COL15A1: variants seen among roughly 807,000 people sequenced by gnomAD.
COL15A1 encodes collagen type XV alpha 1 chain.
A neutral mutation model predicts 165.9 loss-of-function variants in COL15A1; 111 were observed. The ratio of observed to expected loss-of-function variants is 0.67; its 90% CI spans 0.57 to 0.78. The LOEUF is 0.78. Among genes scored for constraint, COL15A1 ranks in the 30% least tolerant of loss-of-function variants. The pLI, the probability that COL15A1 is intolerant of heterozygous loss-of-function variation, is 0.00. For missense variants in COL15A1, 1,745 were observed against 1,789.7 expected (o/e 0.98, Z 0.45); for synonymous variants, 659 against 674.8 (o/e 0.98, Z 0.36).
chr9:98,990,848 A>G (rs1304792213), intron 5 of COL15A1, among the ~76,000 whole-genome samples: 2 of 152,224 alleles, frequency 1.3e-5, no homozygotes, highest in Admixed American at 6.5e-5. Context: ...GACTTCAAGA[A>G]TGAAACCACG....
At chr9:98,957,375 C>T (rs1205705928) in intron 2 of COL15A1, among the ~76,000 whole-genome samples, 2 of 152,232 alleles carry the variant, frequency 1.3e-5, no homozygotes, top group African/African-American at 4.8e-5. Flanking sequence ...TAATTTTTAT[C>T]TCAGTAAGAC....
chr9:99,046,507 A>C lies in COL15A1; in HGVS notation c.2680-1279A>C, dbSNP rs184637493. Among the ~76,000 whole-genome samples the C allele has an allele frequency of 1.2e-3, 186 of 152,344 alleles. No individual in the cohort carries two copies. The South Asian group carries it at 0.013, about 11-fold the overall frequency. ...CAAGACTAGATAATTTACAAAGAAA[A>C]GAGGTTTAATTGACTCCTAGTTCCG... On this transcript the variant is annotated intron_variant, in intron 26 of 41. Coordinates refer to ENST00000375001, the MANE Select transcript of COL15A1 (RefSeq NM_001855.5).
intron 9 of COL15A1, among the ~76,000 whole-genome samples, chr9:99,012,067 A>G (rs1264014571): frequency 6.6e-6 from 1 of 152,240 alleles, no homozygotes; most frequent in African/African-American, 2.4e-5. Flanking sequence ...ACCTTATAGT[A>G]TTTGGCAGGG....
In COL15A1 at chr9:98,945,364, G is replaced by A. The variant is rs553309369; in HGVS notation, c.100+1114G>A. On this transcript the variant is annotated intron_variant, in intron 2 of 41. Coordinates refer to ENST00000375001, the MANE Select transcript of COL15A1 (RefSeq NM_001855.5). ...GTCCAAAAGCCAGGACTTGAATCCA[G>A]GTCTGTAGGCTCTTGCCCTTGCTCA... Among the ~76,000 whole-genome samples, 114 of 152,308 alleles carry A rather than the reference G, an allele frequency of 7.5e-4. 1 individual carries two copies. The highest frequency in any genetic ancestry group is 7.5e-3 in the Admixed American group (114 of 15,298).
At chr9:98,974,024 CT>C (rs1441372469) in intron 2 of COL15A1, among the ~76,000 whole-genome samples, 4 of 152,334 alleles carry the variant, frequency 2.6e-5, no homozygotes, top group Admixed American at 2.6e-4. Context: ...GGCTGAGGCC[CT>C]TTCCACCACC....
At chr9:98,979,276 ATAAATGTTAT>A (rs1838192265) in intron 2 of COL15A1, among the ~76,000 whole-genome samples, 1 of 152,248 alleles carries the variant, frequency 6.6e-6, no homozygotes, top group Non-Finnish European at 1.5e-5. Context: ...TGCCATTTTG[ATAAATGTTAT>A]TAAATTGCCT....
At chr9:99,052,307 C>A in intron 30 of COL15A1, 81 bp from the exon 31 acceptor site, 1 of 1,022,964 alleles carries the variant, frequency 9.8e-7, no homozygotes, top group Non-Finnish European at 1.6e-6. Context: ...TTGTCACATG[C>A]CCCCGGGACA....
At chr9:98,955,880 G>C (rs1260328561) in intron 2 of COL15A1, among the ~76,000 whole-genome samples, 1 of 152,224 alleles carries the variant, frequency 6.6e-6, no homozygotes, top group Non-Finnish European at 1.5e-5. Context: ...GTTCTGACTT[G>C]ATTGTCTAGC....
intron 35 of COL15A1, among the ~76,000 whole-genome samples, chr9:99,058,242 T>A (rs936850888): frequency 2.0e-5 from 3 of 152,174 alleles, no homozygotes; most frequent in African/African-American, 7.2e-5. Flanking sequence ...GATGGGGAAG[T>A]CCTAGAGAAG....
At chr9:98,998,235 TTTA>T in intron 6 of COL15A1, among the ~76,000 whole-genome samples, 1 of 152,380 alleles carries the variant, frequency 6.6e-6, no homozygotes, top group Non-Finnish European at 1.5e-5. Context: ...TTTTACTTTT[TTTA>T]TTGTACTTCC....
rs552204753 is a variant in COL15A1, at chr9:99,062,285, C to G, written c.3572C>G (p.Pro1191Arg). 6.2e-7 allele frequency: 1 copy of G among 1,613,396 alleles called. No individual in the cohort carries two copies. Among genetic ancestry groups the G allele is most frequent in the Non-Finnish European group, 8.5e-7 (1 of 1,179,308 alleles). ...CCCATTCCTGCCGACAGCCCTCCAC[C>G]CCCTGCGCTTTCCAGCAACGTGAGT... ...LIPIPADSPP[P>R]PALSSNPHQL... is the part of the protein sequence containing the mutation. The change falls in exon 38 of 42, where the codon CCC (proline) becomes CGC (arginine). Residue 1191 changes from proline to arginine, a missense_variant. Physicochemically the swap from Pro to Arg is moderately radical, Grantham distance 103. Coordinates refer to ENST00000375001, the MANE Select transcript of COL15A1 (RefSeq NM_001855.5).
At chr9:99,003,909 G>T (rs1030289643) in intron 8 of COL15A1, among the ~76,000 whole-genome samples, 4 of 152,098 alleles carry the variant, frequency 2.6e-5, no homozygotes, top group Admixed American at 1.3e-4. Flanking sequence ...TGAAAAAGGG[G>T]CCCAGAGCCC....
At chr9:98,946,015 G>A (rs1837578361) in intron 2 of COL15A1, among the ~76,000 whole-genome samples, 1 of 152,202 alleles carries the variant, frequency 6.6e-6, no homozygotes, top group South Asian at 2.1e-4. Context: ...TCTAAGGAGG[G>A]CCATTTGCAA....
At chr9:98,986,800 A>G (rs919013389) in intron 3 of COL15A1, among the ~76,000 whole-genome samples, 4 of 152,222 alleles carry the variant, frequency 2.6e-5, no homozygotes, top group Admixed American at 2.0e-4. Context: ...AGAAGTTAAA[A>G]CACAAAGGGC....
chr9:99,030,510 A>T (rs114576239), intron 16 of COL15A1, among the ~76,000 whole-genome samples: 1,609 of 152,274 alleles, frequency 0.011, 21 homozygotes, highest in African/African-American at 0.037. Context: ...GCTGATGGCC[A>T]TCTTATCTGT....
At chr9:98,957,644 A>G (rs887801230) in intron 2 of COL15A1, among the ~76,000 whole-genome samples, 1 of 152,066 alleles carries the variant, frequency 6.6e-6, no homozygotes, top group African/African-American at 2.4e-5. Flanking sequence ...ACACTCTGAA[A>G]AAACCAGACT....
intron 9 of COL15A1, among the ~76,000 whole-genome samples, chr9:99,006,216 G>T (rs921965927): frequency 1.3e-5 from 2 of 152,272 alleles, no homozygotes; most frequent in South Asian, 2.1e-4. Flanking sequence ...TCCTCAAAAG[G>T]CCTCATCATC....
chr9:99,012,859 G>A (rs908027261), intron 9 of COL15A1, among the ~76,000 whole-genome samples: 18 of 151,676 alleles, frequency 1.2e-4, no homozygotes, highest in East Asian at 1.9e-4. Context: ...CTACAGGTGC[G>A]TGCCACCATG....
intron 11 of COL15A1, among the ~76,000 whole-genome samples, chr9:99,019,697 T>C (rs1838995516): frequency 6.6e-6 from 1 of 151,924 alleles, no homozygotes; most frequent in African/African-American, 2.4e-5. Flanking sequence ...TCTGTCACAG[T>C]TGACTCATGC....
Sources: gnomAD v4.1 joint callset for allele counts (sites outside exome capture counted in the v4.1 genomes callset) on GRCh38, gnomAD v4.1.1 for gene constraint, MANE v1.5 for transcripts, NCBI Gene and HGNC (gene_info 2026-07-23, HGNC 2026-07-21) for gene names.